ANXA8: variants seen among roughly 807,000 people sequenced by gnomAD.
ANXA8 encodes the protein annexin A8.
A neutral mutation model predicts 26.8 loss-of-function variants in ANXA8; 9 were observed. The observed-to-expected ratio is 0.34, with a 90% CI of 0.20 to 0.59. The LOEUF (loss-of-function observed/expected upper bound fraction) is 0.59, where lower values mean the gene tolerates loss of function less well. ANXA8 is among the 20% of genes least tolerant of loss of function. ANXA8 has a pLI of 0.84. For synonymous variants in ANXA8, 39 were observed against 94.8 expected (o/e 0.41, Z 3.42); for missense variants, 83 against 238.5 (o/e 0.35, Z 4.29).
chr10:47,775,356 G>T, the ANXA8 span, among the ~76,000 whole-genome samples: 3 of 150,974 alleles, frequency 2.0e-5, no homozygotes, highest in Non-Finnish European at 4.4e-5. Flanking sequence ...CTGGGCAACA[G>T]AGAGAGCCTC....
the ANXA8 span, among the ~76,000 whole-genome samples, chr10:47,948,808 A>T: frequency 6.6e-6 from 1 of 151,714 alleles, no homozygotes; most frequent in Non-Finnish European, 1.5e-5. Context: ...TATGCAAGGT[A>T]AAACATAATC....
the ANXA8 span, among the ~76,000 whole-genome samples, chr10:47,767,672 C>T: frequency 5.3e-5 from 8 of 151,580 alleles, no homozygotes; most frequent in Non-Finnish European, 1.0e-4. Context: ...TTTCTGGCTG[C>T]AGTGATAGGT....
chr10:47,644,594 A>G, the ANXA8 span, among the ~76,000 whole-genome samples: 1 of 152,080 alleles, frequency 6.6e-6, no homozygotes, highest in Non-Finnish European at 1.5e-5. Context: ...TTGCTTTTTA[A>G]AACGTATGTC....
At chr10:47,639,383 G>A in the ANXA8 span, among the ~76,000 whole-genome samples, 5 of 149,260 alleles carry the variant, frequency 3.3e-5, no homozygotes, top group African/African-American at 7.4e-5. Context: ...CGCCATCTCC[G>A]CTCACTGCAA....
At chr10:47,484,705 C>G, upstream of ANXA8, 4 of 720,024 alleles carry the variant, frequency 5.6e-6, no homozygotes, top group Non-Finnish European at 8.7e-6. Context: ...ATGGGGAGGT[C>G]TCGTTTCTTT....
At chr10:47,649,913 A>G in the ANXA8 span, among the ~76,000 whole-genome samples, 1 of 148,964 alleles carries the variant, frequency 6.7e-6, no homozygotes, top group South Asian at 2.1e-4. Flanking sequence ...TATTTTTTGT[A>G]TTATAGGAAT....
chr10:47,769,630 C>T, the ANXA8 span, among the ~76,000 whole-genome samples: 10 of 151,496 alleles, frequency 6.6e-5, no homozygotes, highest in East Asian at 5.8e-4. Context: ...AGATCTTGAA[C>T]GAGACCATTT....
the ANXA8 span, among the ~76,000 whole-genome samples, chr10:47,748,141 G>A: frequency 1.3e-5 from 2 of 151,898 alleles, no homozygotes; most frequent in East Asian, 3.9e-4. Context: ...TTCCAAAACT[G>A]ATAAAGCTTT....
At chr10:47,605,823 A>T in the ANXA8 span, among the ~76,000 whole-genome samples, 9 of 146,548 alleles carry the variant, frequency 6.1e-5, no homozygotes, top group Non-Finnish European at 1.3e-4. Context: ...TTATAAACAT[A>T]GTAGAAATTT....
chr10:47,680,828 C>T, the ANXA8 span, among the ~76,000 whole-genome samples: 1 of 150,916 alleles, frequency 6.6e-6, no homozygotes, highest in East Asian at 1.9e-4. Flanking sequence ...TATGGGAATT[C>T]TTTGATAAGG....
the ANXA8 span, among the ~76,000 whole-genome samples, chr10:47,625,775 ATTG>A: frequency 8.8e-4 from 133 of 150,752 alleles, 1 homozygote; most frequent in African/African-American, 3.2e-3. Flanking sequence ...ATATAAATGT[ATTG>A]TTATTCGCCG....
the ANXA8 span, among the ~76,000 whole-genome samples, chr10:47,676,390 A>G: frequency 1.3e-5 from 2 of 151,916 alleles, no homozygotes; most frequent in Non-Finnish European, 2.9e-5. Flanking sequence ...AAAATCCCAT[A>G]TATAGGCATA....
the ANXA8 span, chr10:47,987,315 G>T: frequency 4.6e-6 from 2 of 434,006 alleles, no homozygotes; most frequent in Non-Finnish European, 8.5e-6. Flanking sequence ...GAGTCCTGGG[G>T]AGGAAGCCGT....
chr10:47,510,656 C>T, the ANXA8 span, among the ~76,000 whole-genome samples: 1 of 119,176 alleles, frequency 8.4e-6, no homozygotes, highest in East Asian at 4.1e-4. Flanking sequence ...TGGTGAAACC[C>T]CGTCTCTACT....
chr10:47,673,371 G>T, the ANXA8 span, among the ~76,000 whole-genome samples: 28 of 151,692 alleles, frequency 1.8e-4, no homozygotes, highest in African/African-American at 6.8e-4. Flanking sequence ...GCAGGCAGGG[G>T]AAGAGCTAGA....
At chr10:47,665,543 T>G in the ANXA8 span, among the ~76,000 whole-genome samples, 1 of 150,556 alleles carries the variant, frequency 6.6e-6, no homozygotes. Flanking sequence ...ATGAATATTT[T>G]AAGCTCCTGA....
the ANXA8 span, chr10:47,502,196 C>T: frequency 1.3e-6 from 2 of 1,540,868 alleles, no homozygotes; most frequent in East Asian, 2.9e-5. Flanking sequence ...GACGTCCACC[C>T]CGTCAGGAGC....
chr10:47,604,913 A>C, the ANXA8 span, among the ~76,000 whole-genome samples: 1 of 150,188 alleles, frequency 6.7e-6, no homozygotes, highest in Non-Finnish European at 1.5e-5. Context: ...GCATTGAAAC[A>C]ATTTAATAAT....
the ANXA8 span, among the ~76,000 whole-genome samples, chr10:47,552,247 G>C: frequency 2.0e-5 from 3 of 151,676 alleles, no homozygotes; most frequent in Non-Finnish European, 4.4e-5. Context: ...TTCTATATCT[G>C]TACTTTTCAG....
Sources: allele counts gnomAD v4.1 joint callset (sites outside exome capture counted in the v4.1 genomes callset), GRCh38; gene constraint gnomAD v4.1.1; transcripts MANE v1.5; gene names NCBI Gene and HGNC (gene_info 2026-07-23, HGNC 2026-07-21).